Variants in STK38L observed in about 807,000 individuals in gnomAD.
The protein encoded by STK38L is serine/threonine-protein kinase 38-like.
Under a neutral mutation model 59.7 loss-of-function variants are expected in STK38L, and 28 were observed. The ratio of observed to expected loss-of-function variants is 0.47; its 90% CI spans 0.35 to 0.64. The LOEUF is 0.64. STK38L is among the 30% of genes least tolerant of loss of function. The pLI, the probability that STK38L is intolerant of heterozygous loss-of-function variation, is 0.01. For missense variants in STK38L, 314 were observed against 555.8 expected, an observed-to-expected ratio of 0.56 and a Z score of 4.37; for synonymous variants, 162 against 176.8, an observed-to-expected ratio of 0.92 and a Z score of 0.66.
chr12:27,322,726 CA>C lies in STK38L; in HGVS notation c.*272del. ...AGGAACAGACATCCCTTTCTAACTG[CA>C]CTGCCTACATGCGTATTAAGGTCCA... On this transcript the variant is annotated 3_prime_UTR_variant, in exon 14 of 14. Coordinates refer to ENST00000389032, the MANE Select transcript of STK38L (RefSeq NM_015000.4). 3.4e-6 allele frequency: 1 copy of C among 293,360 alleles called. No homozygotes were observed. The highest frequency in any genetic ancestry group is 4.8e-5 in the Admixed American group (1 of 21,052). The allele number at this position is 293,360 out of a possible 1,614,324, so 18.2% of individuals were successfully genotyped here.
At chr12:27,251,683 T>C (rs1565521069) in intron 1 of STK38L, among the ~76,000 whole-genome samples, 1 of 152,250 alleles carries the variant, frequency 6.6e-6, no homozygotes, top group Non-Finnish European at 1.5e-5. Flanking sequence ...TCTGACTTCA[T>C]TTAAGCCAAT....
At chr12:27,303,773 C>T (rs1344348050) in intron 3 of STK38L, among the ~76,000 whole-genome samples, 3 of 152,022 alleles carry the variant, frequency 2.0e-5, no homozygotes, top group African/African-American at 7.3e-5. Context: ...GTAGAATTTA[C>T]ATTAGAGGTA....
chr12:27,244,501 C>T (rs1367409741), intron 1 of STK38L, among the ~76,000 whole-genome samples, 169 bp downstream of exon 1: 2 of 152,182 alleles, frequency 1.3e-5, no homozygotes, highest in Non-Finnish European at 2.9e-5. Context: ...ACGGCCTTGG[C>T]CCTCTTATTC....
Position 27,308,324 on chromosome 12 carries a change from G to T in STK38L, c.187-15G>T, listed in dbSNP as rs754757650. 1.3e-6 allele frequency: 2 copies of T among 1,502,596 alleles called. No homozygotes were observed. Among genetic ancestry groups the T allele is most frequent in the South Asian group, 1.3e-5 (1 of 77,772 alleles). 93.1% of individuals were successfully genotyped at this position (1,502,596 alleles called of 1,614,324 possible). A position where few individuals can be genotyped will look rare whatever the true frequency, so the allele number is the denominator to read the frequency against. On this transcript the variant is annotated splice_polypyrimidine_tract_variant and intron_variant, in intron 3 of 13. Transcript: ENST00000389032. This position sits in a 1 kb window ranked among gnomAD's most constrained non-coding sequence, Gnocchi z 4.5. Reference sequence around the variant, plus strand: ...AATTATAAAATCATCCGTTTAAATTGTTTTTTTTTAATAGAAAAAGTTACG... The same window carrying T: ...AATTATAAAATCATCCGTTTAAATTTTTTTTTTTTAATAGAAAAAGTTACG...
intron 1 of STK38L, among the ~76,000 whole-genome samples, chr12:27,258,472 G>C (rs999993238): frequency 6.6e-6 from 1 of 151,912 alleles, no homozygotes; most frequent in African/African-American, 2.4e-5. Context: ...GGGATTACAG[G>C]CCCCTGCCTC....
At chr12:27,250,371 G>A (rs1327222921) in intron 1 of STK38L, among the ~76,000 whole-genome samples, 1 of 152,170 alleles carries the variant, frequency 6.6e-6, no homozygotes, top group Non-Finnish European at 1.5e-5. Context: ...CATACTTTGT[G>A]TAATTTATAT....
chr12:27,312,986 C>T lies in STK38L; in HGVS notation c.517+314C>T, dbSNP rs559820286. On this transcript the variant is annotated intron_variant, in intron 6 of 13. Coordinates refer to ENST00000389032, the MANE Select transcript of STK38L (RefSeq NM_015000.4). ...GAGACTGGATGGGCGCAGTGGCTCACGCCTGTAATCCCAGCACTTTGGGAG... is the reference window on the plus strand; with the variant it reads ...GAGACTGGATGGGCGCAGTGGCTCATGCCTGTAATCCCAGCACTTTGGGAG... 2.0e-3 allele frequency among the ~76,000 whole-genome samples: 306 copies of T among 152,280 alleles called. 1 individual carries two copies. Among genetic ancestry groups the T allele is most frequent in the African/African-American group, 7.0e-3 (291 of 41,552 alleles).
At chr12:27,297,925 G>A in intron 2 of STK38L, 71 bp downstream of exon 2, 1 of 1,557,606 alleles carries the variant, frequency 6.4e-7, no homozygotes, top group Admixed American at 1.8e-5. Context: ...ATAGAAACTT[G>A]TTTACCATGA....
At chr12:27,276,327 G>A (rs868247589) in intron 1 of STK38L, among the ~76,000 whole-genome samples, 39 of 152,110 alleles carry the variant, frequency 2.6e-4, no homozygotes, top group African/African-American at 9.2e-4. Flanking sequence ...CTAAATATGA[G>A]TTTCTCTGGT....
intron 1 of STK38L, among the ~76,000 whole-genome samples, chr12:27,247,120 A>G (rs1400509805): frequency 6.6e-6 from 1 of 152,220 alleles, no homozygotes; most frequent in South Asian, 2.1e-4. Flanking sequence ...ATGATAAGTA[A>G]ATACTTTATA....
At chr12:27,296,008 T>C (rs1944010833) in intron 1 of STK38L, among the ~76,000 whole-genome samples, 1 of 152,132 alleles carries the variant, frequency 6.6e-6, no homozygotes, top group South Asian at 2.1e-4. Flanking sequence ...AAGCAACAGA[T>C]AAGGATAGCA....
At chr12:27,254,806 G>A (rs540532663) in intron 1 of STK38L, among the ~76,000 whole-genome samples, 39 of 152,170 alleles carry the variant, frequency 2.6e-4, no homozygotes, top group Admixed American at 1.9e-3. Flanking sequence ...CAGAGAGGGG[G>A]CGGGAGAAAA....
At chr12:27,306,714 A>AACACACACACACACACACACACAC (rs10553623) in intron 3 of STK38L, among the ~76,000 whole-genome samples, 1,788 of 139,124 alleles carry the variant, frequency 0.013, 24 homozygotes, top group Admixed American at 0.017. Flanking sequence ...GAATTTTATA[A>AACACACACACACACACACACACAC]ACACACACAC....
At chr12:27,266,995 C>T (rs1943314428) in intron 1 of STK38L, among the ~76,000 whole-genome samples, 2 of 152,162 alleles carry the variant, frequency 1.3e-5, no homozygotes, top group African/African-American at 2.4e-5. Flanking sequence ...ACAAATGATA[C>T]TTTATATCAT....
chr12:27,285,727 T>C (rs1036115460), intron 1 of STK38L, among the ~76,000 whole-genome samples: 1 of 152,202 alleles, frequency 6.6e-6, no homozygotes, highest in African/African-American at 2.4e-5. Context: ...TACCGATGTT[T>C]TGAATCAGGC....
intron 9 of STK38L, among the ~76,000 whole-genome samples, chr12:27,316,111 A>G (rs1213044098): frequency 6.6e-6 from 1 of 152,242 alleles, no homozygotes; most frequent in Non-Finnish European, 1.5e-5. Context: ...TTCCCTCAGG[A>G]AAGTAAACAG....
At chr12:27,310,363 G>A (rs1050826274) in intron 5 of STK38L, among the ~76,000 whole-genome samples, 6 of 152,212 alleles carry the variant, frequency 3.9e-5, no homozygotes, top group Middle Eastern at 3.4e-3. Flanking sequence ...ATAAGGACGT[G>A]GGTAAAGATG....
intron 3 of STK38L, among the ~76,000 whole-genome samples, chr12:27,306,874 G>T (rs1278150612): frequency 6.6e-6 from 1 of 152,088 alleles, no homozygotes; most frequent in Non-Finnish European, 1.5e-5. Context: ...CTGAGTACAG[G>T]TGCATGCCAC....
intron 3 of STK38L, among the ~76,000 whole-genome samples, chr12:27,304,959 T>A (rs1322753809): frequency 3.3e-5 from 5 of 152,242 alleles, no homozygotes; most frequent in Non-Finnish European, 5.9e-5. Context: ...TTTTCTTAAA[T>A]ATTGATCCTT....
Sources: allele counts gnomAD v4.1 joint callset (sites outside exome capture counted in the v4.1 genomes callset), GRCh38; gene constraint gnomAD v4.1.1; non-coding constraint Gnocchi (gnomAD v3.1); transcripts MANE v1.5; gene names NCBI Gene and HGNC (gene_info 2026-07-23, HGNC 2026-07-21).